Variants in VWA8 observed in about 807,000 individuals in gnomAD.
VWA8 encodes the protein von Willebrand factor A domain containing 8.
A neutral mutation model predicts 241.5 loss-of-function variants in VWA8; 221 were observed. The observed-to-expected ratio is 0.91, with a 90% confidence interval of 0.82 to 1.02. VWA8 has a LOEUF of 1.02. Ranked by LOEUF, VWA8 falls within the 50% of genes least tolerant of loss-of-function variation. The pLI is 0.00. For missense variants in VWA8, 2,322 were observed against 2,328.7 expected, an observed-to-expected ratio of 1.00 and a Z score of 0.06; for synonymous variants, 852 against 827.1, an observed-to-expected ratio of 1.03 and a Z score of -0.52.
chr13:41,839,063 AATT>A (rs1352183972), intron 12 of VWA8, among the ~76,000 whole-genome samples: 2 of 152,164 alleles, frequency 1.3e-5, no homozygotes, highest in African/African-American at 4.8e-5. Context: ...ATCCTTGAGG[AATT>A]GCCACACTGT....
Position 41,732,109 on chromosome 13 carries a change from C to T in VWA8, c.2473G>A (p.Gly825Arg), listed in dbSNP as rs753556286. Residue 825 changes from glycine to arginine, a missense_variant, in exon 22 of 45, where the codon GGA becomes AGA. Gly to Arg is a moderately radical substitution (Grantham distance 125). Transcript: ENST00000379310. ...GGTGAGTCTTCATATACAATAAGTCCGTCTTTAACCGAAGGCTGAAGCGTA... is the reference window on the plus strand; with the variant it reads ...GGTGAGTCTTCATATACAATAAGTCTGTCTTTAACCGAAGGCTGAAGCGTA... ...TLTLQPSVKDGLIVYEDSPLV... is the reference protein window; with the variant it reads ...TLTLQPSVKDRLIVYEDSPLV... 19 of 1,612,874 alleles carry T rather than the reference C, an allele frequency of 1.2e-5. No homozygotes were observed. Among genetic ancestry groups the T allele is most frequent in the Admixed American group, 6.7e-5 (4 of 59,938 alleles).
intron 21 of VWA8, among the ~76,000 whole-genome samples, chr13:41,750,584 A>T (rs2045648383): frequency 6.6e-6 from 1 of 152,220 alleles, no homozygotes; most frequent in South Asian, 2.1e-4. Flanking sequence ...ATCAACTCTC[A>T]CAAAATATTT....
In VWA8 at chr13:41,865,913, T is replaced by C. The variant is rs1315560228; in HGVS notation, c.1336A>G (p.Ile446Val). 2 of 1,614,080 alleles carry C rather than the reference T, an allele frequency of 1.2e-6. No homozygotes were observed. The highest frequency in any genetic ancestry group is 1.1e-5 in the South Asian group (1 of 91,092). Residue 446 changes from isoleucine to valine, a missense_variant, in exon 11 of 45, where the codon ATT (isoleucine) becomes GTT (valine). Ile to Val is a conservative substitution (Grantham distance 29, BLOSUM62 3). Coordinates refer to ENST00000379310, the MANE Select transcript of VWA8 (RefSeq NM_015058.2). The stretch of plus-strand genomic sequence containing the variant: ...ACTGTCATTCTTACCTTTCCTCCAA[T>C]TAAACATATATCTTTAACCATGTGA... ...QSHMVKDICL[I>V]GGKGCGKTVI...
At chr13:41,784,761 T>TATATATATAC (rs1168034186) in intron 18 of VWA8, among the ~76,000 whole-genome samples, 1 of 78,508 alleles carries the variant, frequency 1.3e-5, no homozygotes, top group African/African-American at 4.4e-5. Context: ...TATATATATA[T>TATATATATAC]ACACACACAC....
intron 20 of VWA8, among the ~76,000 whole-genome samples, chr13:41,772,439 C>CA (rs772223002): frequency 2.4e-4 from 31 of 127,788 alleles, no homozygotes; most frequent in Non-Finnish European, 4.5e-4. Context: ...CATACTGTGA[C>CA]AAAAAAACAA....
chr13:41,599,488 C>A (rs1385230912), intron 40 of VWA8, among the ~76,000 whole-genome samples: 2 of 152,066 alleles, frequency 1.3e-5, no homozygotes, highest in African/African-American at 4.8e-5. Flanking sequence ...GCTTGTTATT[C>A]CACCTCAGTA....
intron 36 of VWA8, among the ~76,000 whole-genome samples, chr13:41,673,597 T>C (rs1419595906): frequency 6.6e-6 from 1 of 152,206 alleles, no homozygotes; most frequent in Non-Finnish European, 1.5e-5. Context: ...AAAAAAGGAA[T>C]GTAAAATATT....
chr13:41,804,092 G>A (rs1396617389), intron 17 of VWA8, among the ~76,000 whole-genome samples: 1 of 152,166 alleles, frequency 6.6e-6, no homozygotes, highest in Non-Finnish European at 1.5e-5. Flanking sequence ...GCCTTAAAGA[G>A]GAGGTAGAGA....
intron 12 of VWA8, among the ~76,000 whole-genome samples, chr13:41,847,858 A>G (rs1334791383): frequency 6.6e-6 from 1 of 152,244 alleles, no homozygotes; most frequent in Non-Finnish European, 1.5e-5. Context: ...AGTGAATAGA[A>G]TATGGAATGC....
Position 41,950,087 on chromosome 13 carries a change from G to A in VWA8, c.164-74C>T, listed in dbSNP as rs942796823. The A allele has an allele frequency of 9.3e-6, 8 of 863,452 alleles. No homozygotes were observed. The African/African-American group carries it at 1.2e-4, about 13-fold the overall frequency. The allele number at this position is 863,452 out of a possible 1,614,324, so 53.5% of individuals were successfully genotyped here. ...AACCATAGACTATGCAACAATGCTTGTCCTGACCTACAGAGAGGGATGTTA... is the reference window on the plus strand; with the variant it reads ...AACCATAGACTATGCAACAATGCTTATCCTGACCTACAGAGAGGGATGTTA... On this transcript the variant is annotated intron_variant, in intron 1 of 44. Transcript: ENST00000379310.
intron 17 of VWA8, among the ~76,000 whole-genome samples, chr13:41,802,276 G>A (rs533218292): frequency 1.3e-5 from 2 of 152,120 alleles, no homozygotes; most frequent in Non-Finnish European, 2.9e-5. Flanking sequence ...CTGTCACAGT[G>A]GAGAGCAACA....
At chr13:41,780,394 C>G (rs1868838348) in intron 19 of VWA8, among the ~76,000 whole-genome samples, 1 of 152,184 alleles carries the variant, frequency 6.6e-6, no homozygotes, top group African/African-American at 2.4e-5. Flanking sequence ...CAACTTATTA[C>G]TTTCTCCTGA....
intron 8 of VWA8, among the ~76,000 whole-genome samples, chr13:41,885,273 A>C (rs1874466725): frequency 6.6e-6 from 1 of 152,218 alleles, no homozygotes; most frequent in Non-Finnish European, 1.5e-5. Context: ...TTTGTGATTA[A>C]ACACATTTGC....
intron 26 of VWA8, among the ~76,000 whole-genome samples, chr13:41,711,672 A>C (rs1005735702): frequency 6.6e-6 from 1 of 152,166 alleles, no homozygotes; most frequent in Non-Finnish European, 1.5e-5. Flanking sequence ...CAGGAGATCG[A>C]GACCATCCTA....
intron 1 of VWA8, chr13:41,955,774 C>A (rs1434492922): frequency 6.6e-6 from 1 of 152,056 alleles, no homozygotes; most frequent in African/African-American, 2.4e-5. Context: ...TAACTGAAAC[C>A]GGAACTTAGG....
intron 16 of VWA8, among the ~76,000 whole-genome samples, chr13:41,814,876 A>T (rs1870620998): frequency 6.6e-6 from 1 of 152,192 alleles, no homozygotes; most frequent in Admixed American, 6.5e-5. Flanking sequence ...AAACCCCTGC[A>T]ATCCTGGAAC....
rs1324638913 is a variant in VWA8 at position 41,871,640 on chromosome 13, AT to A, written c.1081-3164del. Among the ~76,000 whole-genome samples, 18 of 152,094 alleles carry A rather than the reference AT, an allele frequency of 1.2e-4. No individual in the cohort carries two copies. The East Asian group carries it at 3.3e-3, about 28-fold the overall frequency. On this transcript the variant is annotated intron_variant, in intron 9 of 44. Transcript: ENST00000379310. ...TCCCTACAAAGGACATGAACTCATC[AT>A]TTTTTATGGCTGCATAGTATTCCAT...
At chr13:41,885,872 A>C (rs763782808) in intron 8 of VWA8, 48 bp downstream of exon 8, 25 of 1,384,624 alleles carry the variant, frequency 1.8e-5, no homozygotes, top group Non-Finnish European at 5.9e-6. Flanking sequence ...TAACTTTCAA[A>C]ATTTTTAACA....
At chr13:41,578,128 C>T (rs1427587353) in intron 42 of VWA8, among the ~76,000 whole-genome samples, 1 of 152,174 alleles carries the variant, frequency 6.6e-6, no homozygotes, top group East Asian at 1.9e-4. Flanking sequence ...CTGTATGCTT[C>T]TTTTTCTTCC....
Sources: allele counts gnomAD v4.1 joint callset (sites outside exome capture counted in the v4.1 genomes callset), GRCh38; gene constraint gnomAD v4.1.1; transcripts MANE v1.5; gene names NCBI Gene and HGNC (gene_info 2026-07-23, HGNC 2026-07-21).